Variants in SPIDR observed in about 807,000 individuals in gnomAD.
SPIDR encodes scaffold protein involved in DNA repair, also known as DNA repair-scaffolding protein.
Under a neutral mutation model 104.6 loss-of-function variants are expected in SPIDR, and 93 were observed. The observed-to-expected ratio is 0.89, with a 90% CI of 0.75 to 1.06. The LOEUF is 1.06. Among genes scored for constraint, SPIDR ranks in the 50% least tolerant of loss-of-function variants. SPIDR has a pLI of 0.00. For synonymous variants in SPIDR, 431 were observed against 416.9 expected, an observed-to-expected ratio of 1.03 and a Z score of -0.41; for missense variants, 1,154 against 1,111.2, an observed-to-expected ratio of 1.04 and a Z score of -0.55.
intron 8 of SPIDR, among the ~76,000 whole-genome samples, chr8:47,503,243 A>G (rs2080851499): frequency 6.6e-6 from 1 of 152,152 alleles, no homozygotes. Flanking sequence ...GGGGTGTTAA[A>G]GTCTCGCATT....
chr8:47,402,068 C>G (rs782567668), intron 6 of SPIDR, among the ~76,000 whole-genome samples: 8 of 152,162 alleles, frequency 5.3e-5, no homozygotes, highest in Admixed American at 1.3e-4. Flanking sequence ...TTCCAAAATT[C>G]ACCACATAGT....
intron 8 of SPIDR, among the ~76,000 whole-genome samples, chr8:47,459,943 T>C (rs1554712427): frequency 6.6e-6 from 1 of 152,194 alleles, no homozygotes; most frequent in East Asian, 1.9e-4. Flanking sequence ...TTTGCATGGT[T>C]TTGAAGGTTC....
At chr8:47,299,291 C>A (rs1298511923) in intron 5 of SPIDR, among the ~76,000 whole-genome samples, 3 of 152,172 alleles carry the variant, frequency 2.0e-5, no homozygotes, top group Admixed American at 6.5e-5. Flanking sequence ...GATTTTTGCA[C>A]ATTGATTTTG....
Position 47,628,539 on chromosome 8 carries a change from T to C in SPIDR, c.1544+29343T>C, listed in dbSNP as rs542296682. On this transcript the variant is annotated intron_variant, in intron 10 of 19. Coordinates refer to ENST00000297423, the MANE Select transcript of SPIDR (RefSeq NM_001080394.4). ...AGTCAGTGTACACAACTTTGTTTCATGTATAAAATAATTTAAAATAAAAAT... is the reference window on the plus strand; with the variant it reads ...AGTCAGTGTACACAACTTTGTTTCACGTATAAAATAATTTAAAATAAAAAT... Among the ~76,000 whole-genome samples, 202 of 152,332 alleles carry C rather than the reference T, an allele frequency of 1.3e-3. 1 individual carries two copies. The highest frequency in any genetic ancestry group is 1.9e-3 in the Non-Finnish European group (132 of 68,028).
intron 7 of SPIDR, among the ~76,000 whole-genome samples, chr8:47,415,364 A>G (rs1019245521): frequency 4.6e-5 from 7 of 152,206 alleles, no homozygotes; most frequent in Non-Finnish European, 8.8e-5. Flanking sequence ...GATGATCTCC[A>G]ATACAGTCCA....
At chr8:47,687,591 G>C (rs2077984212) in intron 11 of SPIDR, among the ~76,000 whole-genome samples, 1 of 152,176 alleles carries the variant, frequency 6.6e-6, no homozygotes, top group African/African-American at 2.4e-5. Flanking sequence ...ATTGTAGATT[G>C]TAACAAATAA....
intron 7 of SPIDR, among the ~76,000 whole-genome samples, chr8:47,422,215 T>A (rs1344380745): frequency 6.6e-6 from 1 of 152,212 alleles, no homozygotes; most frequent in Non-Finnish European, 1.5e-5. Flanking sequence ...AGGTGGAGTC[T>A]ACAGAGGCAG....
intron 8 of SPIDR, among the ~76,000 whole-genome samples, chr8:47,520,146 G>GAA (rs1279731160): frequency 2.0e-5 from 3 of 152,106 alleles, no homozygotes; most frequent in African/African-American, 7.2e-5. Context: ...GTTATCTTTA[G>GAA]TTTTCCTGAA....
At chr8:47,442,436 T>C (rs768089706) in intron 8 of SPIDR, among the ~76,000 whole-genome samples, 15 of 152,216 alleles carry the variant, frequency 9.9e-5, no homozygotes, top group Non-Finnish European at 1.9e-4. Context: ...AACAGATTGA[T>C]AGGTTTTTTA....
chr8:47,516,335 T>C (rs1416538817), intron 8 of SPIDR, among the ~76,000 whole-genome samples: 1 of 152,206 alleles, frequency 6.6e-6, no homozygotes, highest in Non-Finnish European at 1.5e-5. Flanking sequence ...TCAGTGGTAT[T>C]AACTACAATC....
chr8:47,685,509 A>ATTTTTTTTTTTT lies in SPIDR; in HGVS notation c.1685+11571_1685+11572insTTTTTTTTTTTT, dbSNP rs79918303. The stretch of plus-strand genomic sequence containing the variant: ...TATTTATTTATTTATTTATTTATTT[A>ATTTTTTTTTTTT]TTTATTTATTTTTTTGAGACAGTCT... On this transcript the variant is annotated intron_variant, in intron 11 of 19. Transcript: ENST00000297423. Among the ~76,000 whole-genome samples, 163 of 106,908 alleles carry ATTTTTTTTTTTT rather than the reference A, an allele frequency of 1.5e-3. 6 individuals are homozygous for ATTTTTTTTTTTT. The highest frequency in any genetic ancestry group is 2.9e-3 in the Non-Finnish European group (125 of 43,754). The allele number at this position is 106,908 out of a possible 152,430, so 70.1% of individuals were successfully genotyped here. A position where few individuals can be genotyped will look rare whatever the true frequency, so the allele number is the denominator to read the frequency against.
At chr8:47,711,778 G>T (rs146691833) in intron 14 of SPIDR, among the ~76,000 whole-genome samples, 1 of 151,934 alleles carries the variant, frequency 6.6e-6, no homozygotes, top group South Asian at 2.1e-4. Context: ...TGTATAACTC[G>T]CTTCTCCAAC....
chr8:47,279,013 A>C (rs985948096), intron 1 of SPIDR, among the ~76,000 whole-genome samples: 1 of 150,706 alleles, frequency 6.6e-6, no homozygotes. Flanking sequence ...CAGCCTCCTG[A>C]GTAGCTGGAA....
chr8:47,501,380 T>C (rs984475946), intron 8 of SPIDR, among the ~76,000 whole-genome samples: 10 of 152,132 alleles, frequency 6.6e-5, no homozygotes, highest in South Asian at 6.2e-4. Context: ...GTTGGATTCC[T>C]AGGTATTTTA....
chr8:47,288,129 A>G (rs946536721), intron 3 of SPIDR, among the ~76,000 whole-genome samples: 8 of 151,972 alleles, frequency 5.3e-5, no homozygotes, highest in African/African-American at 1.7e-4. Flanking sequence ...TCTTGTAGGT[A>G]TTTTATTGGT....
intron 8 of SPIDR, among the ~76,000 whole-genome samples, chr8:47,565,255 A>T (rs1055299292): frequency 6.6e-6 from 1 of 152,164 alleles, no homozygotes; most frequent in Non-Finnish European, 1.5e-5. Context: ...TCAAAAAGAA[A>T]GAGGAGAAGA....
chr8:47,624,683 C>G (rs916668503), intron 10 of SPIDR, among the ~76,000 whole-genome samples: 14 of 152,110 alleles, frequency 9.2e-5, no homozygotes, highest in Admixed American at 6.5e-5. Context: ...CAAGACTAAA[C>G]CAGGAAGAAG....
intron 5 of SPIDR, among the ~76,000 whole-genome samples, chr8:47,353,991 A>T (rs1401915987): frequency 6.6e-6 from 1 of 152,132 alleles, no homozygotes; most frequent in Non-Finnish European, 1.5e-5. Flanking sequence ...GGCTTCATAT[A>T]CAGACAACGC....
intron 11 of SPIDR, 21 bp from the exon 12 acceptor site, chr8:47,700,382 C>G (rs765450955): frequency 1.2e-6 from 2 of 1,613,826 alleles, no homozygotes; most frequent in Non-Finnish European, 1.7e-6. Flanking sequence ...TGATGAATAC[C>G]TTTGACTTTT....
Sources: gnomAD v4.1 joint callset for allele counts (sites outside exome capture counted in the v4.1 genomes callset) on GRCh38, gnomAD v4.1.1 for gene constraint, MANE v1.5 for transcripts, NCBI Gene and HGNC (gene_info 2026-07-23, HGNC 2026-07-21) for gene names.